FAAH2: variants seen among roughly 807,000 people sequenced by gnomAD.
The protein encoded by FAAH2 is fatty-acid amide hydrolase 2.
FAAH2 carries 60 observed loss-of-function variants against 36.9 expected under a neutral mutation model. The ratio of observed to expected loss-of-function variants is 1.63; its 90% CI spans 1.32 to 2.02. The LOEUF (loss-of-function observed/expected upper bound fraction) is 2.02, where lower values mean the gene tolerates loss of function less well. Among genes scored for constraint, FAAH2 ranks in the 30% most tolerant of loss-of-function variants. The probability of loss-of-function intolerance (pLI) is 0.00; values close to 1 mark genes in which losing one functional copy is unlikely to be tolerated. For missense variants in FAAH2, 689 were observed against 397.5 expected (o/e 1.73, Z -6.23); for synonymous variants, 214 against 143.8 (o/e 1.49, Z -3.49).
chrX:57,153,903 G>T, the FAAH2 span, among the ~76,000 whole-genome samples: 2 of 112,380 alleles, frequency 1.8e-5, no homozygotes, highest in Non-Finnish European at 3.8e-5. Flanking sequence ...GGATGTCTAG[G>T]TCTGTAGCAA....
Position 57,286,775 on chromosome X carries a change from C to T in FAAH2, c.-51C>T, listed in dbSNP as rs1054341228. The T allele has an allele frequency of 4.8e-6, 5 of 1,042,813 alleles. No individual in the cohort carries two copies. In the African/African-American group the frequency reaches 9.7e-5, roughly 20 times the overall value. The allele number at this position is 1,042,813 out of a possible 1,213,427, so 85.9% of individuals were successfully genotyped here. ...CTTAGTACTTTTCTCGTCCTTTCCC[C>T]AGGGTGCACGTAACCCTCAAGCACT... On this transcript the variant is annotated 5_prime_UTR_variant, in exon 1 of 11. Coordinates refer to ENST00000374900, the MANE Select transcript of FAAH2 (RefSeq NM_174912.4).
chrX:57,290,723 T>G (rs2146782805), intron 1 of FAAH2, among the ~76,000 whole-genome samples: 1 of 111,708 alleles, frequency 9.0e-6, no homozygotes, highest in Admixed American at 9.5e-5. Context: ...AAAAAATTGC[T>G]TTATTTTTCT....
chrX:57,429,841 C>A (rs1209106784), intron 7 of FAAH2, among the ~76,000 whole-genome samples: 1 of 110,190 alleles, frequency 9.1e-6, no homozygotes, highest in Non-Finnish European at 1.9e-5. Context: ...GGATTGTATT[C>A]AGCCATTAAA....
chrX:57,162,904 C>T, the FAAH2 span, among the ~76,000 whole-genome samples: 35 of 112,951 alleles, frequency 3.1e-4, 1 homozygote, highest in East Asian at 2.8e-4. Context: ...TTGCTGGTAA[C>T]GAACTGCGTT....
chrX:57,261,187 G>A, the FAAH2 span, among the ~76,000 whole-genome samples: 1 of 111,181 alleles, frequency 9.0e-6, no homozygotes, highest in South Asian at 3.8e-4. Context: ...CCATGCAGTG[G>A]GATTCTAATG....
chrX:57,473,050 G>C (rs1274495328), intron 10 of FAAH2, among the ~76,000 whole-genome samples: 1 of 110,533 alleles, frequency 9.0e-6, no homozygotes, highest in Non-Finnish European at 1.9e-5. Context: ...TCCTGGCCAT[G>C]TTATTTCTTT....
At chrX:57,222,733 C>T in the FAAH2 span, among the ~76,000 whole-genome samples, 1 of 111,933 alleles carries the variant, frequency 8.9e-6, no homozygotes, top group Non-Finnish European at 1.9e-5. Flanking sequence ...CAGCCATGCT[C>T]TTACCTGAAG....
intron 7 of FAAH2, among the ~76,000 whole-genome samples, chrX:57,423,810 G>A (rs965109401): frequency 1.8e-5 from 2 of 110,868 alleles, no homozygotes; most frequent in East Asian, 2.9e-4. Context: ...ACAGGACCAC[G>A]CCCCCAGGGA....
At position 57,331,824 on chromosome X, in the gene FAAH2, A is replaced by T; in HGVS notation, c.622+17A>T. 8.5e-7 allele frequency: 1 copy of T among 1,172,105 alleles called. No homozygotes were observed. The highest frequency in any genetic ancestry group is 1.2e-6 in the Non-Finnish European group (1 of 859,640). On this transcript the variant is annotated intron_variant, in intron 4 of 10. Transcript: ENST00000374900. ...GAAGTTCTGGTGAGTTGGACATTTT[A>T]GTATGGCATGAATAGCTATGCTAAC...
chrX:57,384,019 A>G (rs1023443722), intron 7 of FAAH2, among the ~76,000 whole-genome samples: 1 of 111,799 alleles, frequency 8.9e-6, no homozygotes, highest in African/African-American at 3.3e-5. Context: ...AAATAATGCC[A>G]CACATCTACA....
intron 2 of FAAH2, among the ~76,000 whole-genome samples, chrX:57,300,805 T>G: frequency 8.9e-6 from 1 of 111,892 alleles, no homozygotes; most frequent in South Asian, 3.7e-4. Context: ...GCAAAGGATG[T>G]GAACAGACAC....
chrX:57,249,255 C>T, the FAAH2 span, among the ~76,000 whole-genome samples: 40,328 of 110,481 alleles, frequency 0.37, 6,324 homozygotes, highest in Middle Eastern at 0.6. Context: ...TACTATAGTT[C>T]TGATGAATGT....
chrX:57,459,942 C>T (rs1334744927), intron 10 of FAAH2, among the ~76,000 whole-genome samples: 3 of 111,316 alleles, frequency 2.7e-5, no homozygotes, highest in Non-Finnish European at 5.7e-5. Context: ...CTCTTCTCCC[C>T]CAAGTGATCA....
the FAAH2 span, among the ~76,000 whole-genome samples, chrX:57,257,674 C>T: frequency 9.1e-6 from 1 of 110,028 alleles, no homozygotes; most frequent in Admixed American, 9.7e-5. Flanking sequence ...ATATGTAACC[C>T]AGAACTTAAA....
chrX:57,425,308 G>T (rs2056133788), intron 7 of FAAH2, among the ~76,000 whole-genome samples: 1 of 111,924 alleles, frequency 8.9e-6, no homozygotes, highest in African/African-American at 3.2e-5. Context: ...CGAGGAAATA[G>T]TTGAGAAAAG....
the FAAH2 span, chrX:57,229,166 G>A: frequency 7.1e-5 from 8 of 112,114 alleles, no homozygotes; most frequent in Non-Finnish European, 1.1e-4. Context: ...GGGTGGAATG[G>A]TTAAGAGACA....
intron 7 of FAAH2, among the ~76,000 whole-genome samples, chrX:57,409,163 G>A (rs192206837): frequency 1.9e-3 from 214 of 111,052 alleles, no homozygotes; most frequent in Middle Eastern, 0.014. Flanking sequence ...AATATTATGC[G>A]ACCACCATCA....
At chrX:57,140,785 A>G in the FAAH2 span, among the ~76,000 whole-genome samples, 5 of 111,395 alleles carry the variant, frequency 4.5e-5, no homozygotes, top group African/African-American at 9.8e-5. Flanking sequence ...AAATGGGTGC[A>G]TATGGGCATA....
chrX:57,482,942 T>G (rs2057407413), intron 10 of FAAH2, among the ~76,000 whole-genome samples: 1 of 110,274 alleles, frequency 9.1e-6, no homozygotes, highest in Non-Finnish European at 1.9e-5. Flanking sequence ...TCTTTAATGT[T>G]TTCTTCTTTA....
Sources: gnomAD v4.1 joint callset for allele counts (sites outside exome capture counted in the v4.1 genomes callset) on GRCh38, gnomAD v4.1.1 for gene constraint, MANE v1.5 for transcripts, NCBI Gene and HGNC (gene_info 2026-07-23, HGNC 2026-07-21) for gene names.